Variants in GALNT13 observed in about 807,000 individuals in gnomAD.
The protein encoded by GALNT13 is polypeptide N-acetylgalactosaminyltransferase 13, also known as UDP-GalNAc:polypeptide N-acetylgalactosaminyltransferase 13.
A neutral mutation model predicts 64.2 loss-of-function variants in GALNT13; 28 were observed. That is an observed-to-expected ratio of 0.44 (90% CI 0.32 to 0.60). The LOEUF is 0.60. Among genes scored for constraint, GALNT13 ranks in the 20% least tolerant of loss-of-function variants. The pLI is 0.05. For missense variants in GALNT13, 577 were observed against 669.8 expected (o/e 0.86, Z 1.53); for synonymous variants, 214 against 224.6 (o/e 0.95, Z 0.42).
chr2:153,099,539 G>T, the GALNT13 span, among the ~76,000 whole-genome samples: 3 of 152,112 alleles, frequency 2.0e-5, no homozygotes, highest in African/African-American at 7.2e-5. Flanking sequence ...CATTTAGAAA[G>T]ATTTTATTAA....
At chr2:153,193,110 A>T in the GALNT13 span, among the ~76,000 whole-genome samples, 1 of 151,948 alleles carries the variant, frequency 6.6e-6, no homozygotes, top group Non-Finnish European at 1.5e-5. Context: ...TTCTGTAGTG[A>T]TAACATTTGA....
the GALNT13 span, among the ~76,000 whole-genome samples, chr2:153,075,176 C>T: frequency 6.6e-6 from 1 of 152,144 alleles, no homozygotes. Context: ...TTGCTAAAAC[C>T]TGAAATCAGC....
At chr2:154,287,595 AATTGTTATTATTAT>A (rs1397461091) in intron 8 of GALNT13, among the ~76,000 whole-genome samples, 2 of 151,390 alleles carry the variant, frequency 1.3e-5, no homozygotes, top group East Asian at 4.0e-4. Flanking sequence ...CCCTCTTTTG[AATTGTTATTATTAT>A]ATTCTTCAGC....
chr2:154,301,350 AGTTGCTT>A, intron 8 of GALNT13, 52 bp from the exon 9 acceptor site: 5 of 1,384,236 alleles, frequency 3.6e-6, no homozygotes, highest in Non-Finnish European at 5.0e-6. Flanking sequence ...CCTAAGCTTC[AGTTGCTT>A]CATCTCATAC....
At chr2:153,442,575 C>A in the GALNT13 span, among the ~76,000 whole-genome samples, 1 of 152,098 alleles carries the variant, frequency 6.6e-6, no homozygotes, top group African/African-American at 2.4e-5. Flanking sequence ...CTATCTGGTC[C>A]TGGGCTTTTC....
chr2:153,324,029 A>T, the GALNT13 span, among the ~76,000 whole-genome samples: 1 of 152,144 alleles, frequency 6.6e-6, no homozygotes, highest in Non-Finnish European at 1.5e-5. Context: ...CAGTGAAGAA[A>T]GTCAATGGTA....
the GALNT13 span, among the ~76,000 whole-genome samples, chr2:153,534,276 C>T: frequency 3.4e-4 from 51 of 152,108 alleles, no homozygotes; most frequent in South Asian, 8.7e-3. Flanking sequence ...CCAGAAATAG[C>T]GGTAAATAGG....
At chr2:153,135,282 C>A in the GALNT13 span, among the ~76,000 whole-genome samples, 1 of 152,122 alleles carries the variant, frequency 6.6e-6, no homozygotes, top group Non-Finnish European at 1.5e-5. Flanking sequence ...CTCCTAAGAA[C>A]CTGTCTCCAA....
At chr2:153,871,252 T>C (rs1469950675), upstream of GALNT13, among the ~76,000 whole-genome samples, 3 of 152,206 alleles carry the variant, frequency 2.0e-5, no homozygotes, top group Non-Finnish European at 4.4e-5. Context: ...TCTTTACCTC[T>C]TCATAAAAAT....
the GALNT13 span, among the ~76,000 whole-genome samples, chr2:153,756,068 T>C: frequency 1.3e-5 from 2 of 152,146 alleles, no homozygotes; most frequent in Non-Finnish European, 1.5e-5. Context: ...TATAAGATTA[T>C]ATAGTATATT....
the GALNT13 span, among the ~76,000 whole-genome samples, chr2:153,524,880 G>A: frequency 2.0e-4 from 30 of 152,178 alleles, no homozygotes; most frequent in African/African-American, 7.0e-4. Context: ...TCACAGGACT[G>A]GGGGAGGCAC....
chr2:153,467,759 A>T, the GALNT13 span, among the ~76,000 whole-genome samples: 9 of 152,200 alleles, frequency 5.9e-5, no homozygotes, highest in East Asian at 1.5e-3. Flanking sequence ...ACAAGAATTT[A>T]TTTGATGCTG....
intron 4 of GALNT13, among the ~76,000 whole-genome samples, chr2:154,237,511 G>T (rs1167988775): frequency 1.1e-5 from 1 of 87,574 alleles, no homozygotes; most frequent in Non-Finnish European, 2.4e-5. Context: ...TAAAAACTCT[G>T]CCAGCTTTAT....
At chr2:154,306,626 G>GGT (rs1553512850) in intron 9 of GALNT13, among the ~76,000 whole-genome samples, 6 of 148,500 alleles carry the variant, frequency 4.0e-5, no homozygotes, top group South Asian at 2.2e-4. Context: ...GGTGGGGGGG[G>GGT]GGTCAAGAAA....
chr2:153,572,848 T>A, the GALNT13 span, among the ~76,000 whole-genome samples: 9 of 151,968 alleles, frequency 5.9e-5, no homozygotes, highest in African/African-American at 1.7e-4. Flanking sequence ...AAGACTTCTT[T>A]TGTGACCTAA....
chr2:153,437,598 T>G, the GALNT13 span, among the ~76,000 whole-genome samples: 2 of 152,338 alleles, frequency 1.3e-5, no homozygotes, highest in Non-Finnish European at 1.5e-5. Context: ...CTTTGTCTCT[T>G]TTGATCTTTG....
At chr2:153,686,056 T>C in the GALNT13 span, among the ~76,000 whole-genome samples, 2 of 152,138 alleles carry the variant, frequency 1.3e-5, no homozygotes, top group African/African-American at 2.4e-5. Flanking sequence ...CCCTGTAGTA[T>C]AATTTGAAGT....
chr2:153,450,287 C>T, the GALNT13 span, among the ~76,000 whole-genome samples: 4 of 152,102 alleles, frequency 2.6e-5, no homozygotes, highest in African/African-American at 7.2e-5. Flanking sequence ...GCATATTATA[C>T]GTTGCTGCAT....
the GALNT13 span, among the ~76,000 whole-genome samples, chr2:153,218,891 A>T: frequency 6.6e-6 from 1 of 152,072 alleles, no homozygotes; most frequent in African/African-American, 2.4e-5. Flanking sequence ...TTGACTTGTG[A>T]CCCTAGTTCT....
Sources: gnomAD v4.1 joint callset for allele counts (sites outside exome capture counted in the v4.1 genomes callset) on GRCh38, gnomAD v4.1.1 for gene constraint, MANE v1.5 for transcripts, NCBI Gene and HGNC (gene_info 2026-07-23, HGNC 2026-07-21) for gene names.